Variants in NR5A1 observed in about 807,000 individuals in gnomAD.
NR5A1 encodes nuclear receptor subfamily 5 group A member 1.
A neutral mutation model predicts 42.7 loss-of-function variants in NR5A1; 6 were observed. That is an observed-to-expected ratio of 0.14 (90% CI 0.08 to 0.28). The LOEUF is 0.28. Ranked by LOEUF, NR5A1 falls within the 10% of genes least tolerant of loss-of-function variation. The probability of loss-of-function intolerance (pLI) is 1.00; values close to 1 mark genes in which losing one functional copy is unlikely to be tolerated. For missense variants in NR5A1, 442 were observed against 626.4 expected (o/e 0.71, Z 3.14); for synonymous variants, 274 against 277.5 (o/e 0.99, Z 0.12).
At position 124,496,461 on chromosome 9, in the gene NR5A1, C is replaced by T. The variant is rs1170707228; in HGVS notation, c.871-3312G>A. ...GGGCACATCAGCCATCCACCCCTCC[C>T]ACCGGACCGCCACAAATCTTCCTGG... On this transcript the variant is annotated intron_variant, in intron 4 of 6. Coordinates refer to ENST00000373588, the MANE Select transcript of NR5A1 (RefSeq NM_004959.5). This position sits in a 1 kb window ranked among gnomAD's most constrained non-coding sequence, Gnocchi z 5.0. Among the ~76,000 whole-genome samples the T allele has an allele frequency of 6.6e-6, 1 of 152,166 alleles. No homozygotes were observed. The highest frequency in any genetic ancestry group is 1.5e-5 in the Non-Finnish European group (1 of 68,034).
chr9:124,503,030 C>T lies in NR5A1; in HGVS notation c.244+49G>A. The T allele has an allele frequency of 6.5e-7, 1 of 1,534,460 alleles. No individual in the cohort carries two copies. The highest frequency in any genetic ancestry group is 8.7e-7 in the Non-Finnish European group (1 of 1,145,158). On this transcript the variant is annotated intron_variant, in intron 3 of 6. Coordinates refer to ENST00000373588, the MANE Select transcript of NR5A1 (RefSeq NM_004959.5). The surrounding 1 kb of genome is among the most constrained non-coding windows in gnomAD (Gnocchi z 9.6). ...GCCCCTCTCCCACCCCCACCCCCTA[C>T]CCCCTCAGGCTGTGGGGGGTCAGGG...
At chr9:124,491,435 C>T (rs1832308037) in intron 5 of NR5A1, among the ~76,000 whole-genome samples, 1 of 152,264 alleles carries the variant, frequency 6.6e-6, no homozygotes, top group Non-Finnish European at 1.5e-5. Context: ...CCCTTCCGAG[C>T]TCTCCTCAAC....
rs778299292 is a variant in NR5A1 at position 124,503,242 on chromosome 9, G to A, written c.103-22C>T. 2.5e-6 allele frequency: 4 copies of A among 1,604,294 alleles called. No homozygotes were observed. The East Asian group carries it at 9.0e-5, about 36-fold the overall frequency. On this transcript the variant is annotated intron_variant, in intron 2 of 6. Transcript: ENST00000373588. This position sits in a 1 kb window ranked among gnomAD's most constrained non-coding sequence, Gnocchi z 9.6. ...AGCCCTGCGGGAGCTGAGAGTCAGC[G>A]AGGCCCCGCAGCGCCCGTCTGCCGC... is the stretch of plus-strand genomic sequence containing the variant.
chr9:124,503,790 C>T lies in NR5A1; in HGVS notation c.-15-380G>A, dbSNP rs1308233912. Among the ~76,000 whole-genome samples the T allele has an allele frequency of 6.6e-6, 1 of 152,168 alleles. No homozygotes were observed. Among genetic ancestry groups the T allele is most frequent in the Non-Finnish European group, 1.5e-5 (1 of 68,022 alleles). On this transcript the variant is annotated intron_variant, in intron 1 of 6. Transcript: ENST00000373588. The surrounding 1 kb of genome is among the most constrained non-coding windows in gnomAD (Gnocchi z 9.6). ...GGGAAGACGCCAGGGGACCCAGGAG[C>T]GCTGGGGCGCCCGGCCCGGGTGTTC...
chr9:124,504,445 G>C (rs1832519971), intron 1 of NR5A1, among the ~76,000 whole-genome samples: 1 of 151,976 alleles, frequency 6.6e-6, no homozygotes, highest in African/African-American at 2.4e-5. Flanking sequence ...CCCCTCCCCG[G>C]GGGAGACAAA....
chr9:124,487,121 T>C (rs1186031370), intron 6 of NR5A1, among the ~76,000 whole-genome samples: 1 of 152,206 alleles, frequency 6.6e-6, no homozygotes, highest in African/African-American at 2.4e-5. Context: ...AGCTGGGAGA[T>C]GGAGCCCCCA....
At position 124,503,931 on chromosome 9, in the gene NR5A1, C is replaced by G. The variant is rs1832507332; in HGVS notation, c.-15-521G>C. On this transcript the variant is annotated intron_variant, in intron 1 of 6. Coordinates refer to ENST00000373588, the MANE Select transcript of NR5A1 (RefSeq NM_004959.5). The surrounding 1 kb of genome is among the most constrained non-coding windows in gnomAD (Gnocchi z 9.6). ...CACCGGGCGCAGACACGAGGCCAGT[C>G]CGAGAGTGCCAGAGACACAGACACT... Among the ~76,000 whole-genome samples, 1 of 151,796 alleles carries G rather than the reference C, an allele frequency of 6.6e-6. No individual in the cohort carries two copies. Among genetic ancestry groups the G allele is most frequent in the Non-Finnish European group, 1.5e-5 (1 of 67,980 alleles).
At chr9:124,493,531 AC>A (rs1832346763) in intron 4 of NR5A1, among the ~76,000 whole-genome samples, 1 of 152,046 alleles carries the variant, frequency 6.6e-6, no homozygotes, top group Admixed American at 6.5e-5. Flanking sequence ...TCTGCAAAGG[AC>A]TCCTACAAAT....
Position 124,485,706 on chromosome 9 carries a change from C to G in NR5A1, c.1139-2701G>C, listed in dbSNP as rs563891536. Among the ~76,000 whole-genome samples, 88 of 152,338 alleles carry G rather than the reference C, an allele frequency of 5.8e-4. 1 individual carries two copies. In the South Asian group the frequency reaches 0.018, roughly 30 times the overall value. ...CCCAACGCCTCCTGGCCCAGGTGCTCTTGTGCAGTGAATGACCTGCCCAAC... is the reference window on the plus strand; with the variant it reads ...CCCAACGCCTCCTGGCCCAGGTGCTGTTGTGCAGTGAATGACCTGCCCAAC... On this transcript the variant is annotated intron_variant, in intron 6 of 6. Coordinates refer to ENST00000373588, the MANE Select transcript of NR5A1 (RefSeq NM_004959.5).
chr9:124,483,819 C>A (rs1832166938), intron 6 of NR5A1, among the ~76,000 whole-genome samples: 2 of 152,202 alleles, frequency 1.3e-5, no homozygotes, highest in Admixed American at 1.3e-4. Flanking sequence ...TTCTAGAGGA[C>A]AGCTGGCATG....
rs1447063753 is a variant in NR5A1 at position 124,484,678 on chromosome 9, C to T, written c.1139-1673G>A. On this transcript the variant is annotated intron_variant, in intron 6 of 6. Coordinates refer to ENST00000373588, the MANE Select transcript of NR5A1 (RefSeq NM_004959.5). ...TTGAGGCTGGTGAATCAGGTGAACC[C>T]GGGAGGTGGTGGTTGCTGTGAGCCG... Among the ~76,000 whole-genome samples, 5 of 152,100 alleles carry T rather than the reference C, an allele frequency of 3.3e-5. No homozygotes were observed. The East Asian group carries it at 7.7e-4, about 23-fold the overall frequency.
At position 124,500,811 on chromosome 9, in the gene NR5A1, TCC is replaced by T; in HGVS notation, c.245-98_245-97del. ...TTTCCAAACAAATCTGACCGCTCTCTCCCCTGCTCAACACCCTTTCATGGCTC... is the reference window on the plus strand; with the variant it reads ...TTTCCAAACAAATCTGACCGCTCTCTCCTGCTCAACACCCTTTCATGGCTC... On this transcript the variant is annotated intron_variant, in intron 3 of 6. Coordinates refer to ENST00000373588, the MANE Select transcript of NR5A1 (RefSeq NM_004959.5). This position sits in a 1 kb window ranked among gnomAD's most constrained non-coding sequence, Gnocchi z 6.9. The T allele has an allele frequency of 6.3e-7, 1 of 1,584,876 alleles. No homozygotes were observed. Among genetic ancestry groups the T allele is most frequent in the Non-Finnish European group, 8.6e-7 (1 of 1,156,524 alleles).
rs1832152254 is a variant in NR5A1 at position 124,482,995 on chromosome 9, G to C, written c.1149C>G (p.Phe383Leu). The change falls in exon 7 of 7, where the codon TTC becomes TTG. Residue 383 changes from phenylalanine to leucine, a missense_variant. Phe to Leu is a conservative substitution (Grantham distance 22, BLOSUM62 0). Coordinates refer to ENST00000373588, the MANE Select transcript of NR5A1 (RefSeq NM_004959.5). Reference sequence around the variant, plus strand: ...CTTTCACCAGGATGTGGTTATTCAGGAACTTCAAATCTGCAAAGGGAGGTT... The same window carrying C: ...CTTTCACCAGGATGTGGTTATTCAGCAACTTCAAATCTGCAAAGGGAGGTT... Reference protein sequence around the residue: ...FIILFSLDLKFLNNHILVKDA... With the variant: ...FIILFSLDLKLLNNHILVKDA... 1 of 1,613,956 alleles carries C rather than the reference G, an allele frequency of 6.2e-7. No individual in the cohort carries two copies. Among genetic ancestry groups the C allele is most frequent in the Non-Finnish European group, 8.5e-7 (1 of 1,180,042 alleles).
chr9:124,486,970 G>T (rs1832220232), intron 6 of NR5A1, among the ~76,000 whole-genome samples: 1 of 152,264 alleles, frequency 6.6e-6, no homozygotes, highest in African/African-American at 2.4e-5. Context: ...GCCTCACAGG[G>T]TGGCAAGGAG....
intron 6 of NR5A1, among the ~76,000 whole-genome samples, chr9:124,487,299 G>A (rs922749959): frequency 1.3e-5 from 2 of 152,248 alleles, no homozygotes; most frequent in African/African-American, 2.4e-5. Context: ...CGCGCACAAT[G>A]GCCCCTCGAG....
At chr9:124,492,588 C>T (rs982985560) in intron 5 of NR5A1, among the ~76,000 whole-genome samples, 1 of 152,184 alleles carries the variant, frequency 6.6e-6, no homozygotes, top group African/African-American at 2.4e-5. Flanking sequence ...CCTAGCCTCC[C>T]TCATCTCTCA....
At chr9:124,507,003 C>G (rs1450000970) in intron 1 of NR5A1, 1 of 152,726 alleles carries the variant, frequency 6.5e-6, no homozygotes, top group Non-Finnish European at 1.5e-5. Context: ...TGGCCAGAGA[C>G]AGCGGGACAC....
chr9:124,495,678 A>AG (rs1307579141), intron 4 of NR5A1, among the ~76,000 whole-genome samples: 1 of 152,168 alleles, frequency 6.6e-6, no homozygotes, highest in Admixed American at 6.5e-5. Context: ...CGAAGACACA[A>AG]GGGGGTGGGG....
At chr9:124,495,927 T>C (rs1054573886) in intron 4 of NR5A1, among the ~76,000 whole-genome samples, 1 of 152,220 alleles carries the variant, frequency 6.6e-6, no homozygotes, top group African/African-American at 2.4e-5. Context: ...CATCCGGCCA[T>C]GCATCCTCCA....
Sources: allele counts gnomAD v4.1 joint callset (sites outside exome capture counted in the v4.1 genomes callset), GRCh38; gene constraint gnomAD v4.1.1; non-coding constraint Gnocchi (gnomAD v3.1); transcripts MANE v1.5; gene names NCBI Gene and HGNC (gene_info 2026-07-23, HGNC 2026-07-21).